Variants in AFG2A observed in about 807,000 individuals in gnomAD.
AFG2A encodes the protein AAA ATPase AFG2A.
the AFG2A span, among the ~76,000 whole-genome samples, chr4:123,012,921 G>T: frequency 6.6e-6 from 1 of 152,098 alleles, no homozygotes; most frequent in Non-Finnish European, 1.5e-5. Flanking sequence ...CCCAAGGCAG[G>T]CCCCCCTATC....
the AFG2A span, among the ~76,000 whole-genome samples, chr4:123,044,581 G>A: frequency 1.3e-5 from 2 of 152,054 alleles, no homozygotes; most frequent in African/African-American, 4.8e-5. Context: ...TACCCTTAGT[G>A]CCTCAAACTG....
chr4:123,191,609 G>A, the AFG2A span, among the ~76,000 whole-genome samples: 513 of 152,072 alleles, frequency 3.4e-3, 1 homozygote, highest in African/African-American at 0.012. Context: ...TTTCTCTTCT[G>A]TATTCTCATT....
At chr4:123,072,406 A>G in the AFG2A span, among the ~76,000 whole-genome samples, 1 of 152,200 alleles carries the variant, frequency 6.6e-6, no homozygotes. Flanking sequence ...AGTGAGGCAC[A>G]GGTAAACTTC....
chr4:123,289,312 C>T, the AFG2A span, among the ~76,000 whole-genome samples: 3 of 152,168 alleles, frequency 2.0e-5, no homozygotes, highest in African/African-American at 7.2e-5. Context: ...GAATGACCTC[C>T]AGTTCCATCC....
chr4:123,107,273 C>T, the AFG2A span, among the ~76,000 whole-genome samples: 17 of 152,302 alleles, frequency 1.1e-4, no homozygotes, highest in African/African-American at 3.8e-4. Context: ...TTGGTGGGTC[C>T]TGAGTTCTTG....
At chr4:122,971,531 G>A in the AFG2A span, among the ~76,000 whole-genome samples, 1 of 151,952 alleles carries the variant, frequency 6.6e-6, no homozygotes, top group African/African-American at 2.4e-5. Context: ...ATTTTATTTT[G>A]TTCAACTCTA....
At chr4:122,994,946 A>G in the AFG2A span, among the ~76,000 whole-genome samples, 1 of 152,070 alleles carries the variant, frequency 6.6e-6, no homozygotes, top group Non-Finnish European at 1.5e-5. Context: ...TTACTACTAT[A>G]TTTTCACCTG....
chr4:123,238,387 G>C, the AFG2A span, among the ~76,000 whole-genome samples: 3 of 152,204 alleles, frequency 2.0e-5, no homozygotes, highest in Admixed American at 2.0e-4. Context: ...GTGGGTCCCT[G>C]ACCCCCATGT....
At chr4:123,116,488 G>A in the AFG2A span, among the ~76,000 whole-genome samples, 3 of 152,302 alleles carry the variant, frequency 2.0e-5, no homozygotes, top group African/African-American at 7.2e-5. Flanking sequence ...GTAGAGGTCA[G>A]GGATGTTACC....
chr4:123,095,440 C>T, the AFG2A span, among the ~76,000 whole-genome samples: 2 of 152,020 alleles, frequency 1.3e-5, no homozygotes, highest in Non-Finnish European at 2.9e-5. Flanking sequence ...TACTTTTTCT[C>T]TGAAGAACTA....
chr4:123,107,180 T>C, the AFG2A span, among the ~76,000 whole-genome samples: 1 of 152,208 alleles, frequency 6.6e-6, no homozygotes, highest in South Asian at 2.1e-4. Context: ...ACTCTTCTCC[T>C]TCTCATCACC....
At chr4:123,067,227 A>C in the AFG2A span, among the ~76,000 whole-genome samples, 1 of 152,094 alleles carries the variant, frequency 6.6e-6, no homozygotes, top group African/African-American at 2.4e-5. Context: ...GTGAGATTTT[A>C]AGAAAATGAG....
chr4:123,293,266 G>A, the AFG2A span, among the ~76,000 whole-genome samples: 1 of 152,106 alleles, frequency 6.6e-6, no homozygotes, highest in African/African-American at 2.4e-5. Flanking sequence ...GTCCCTTCAC[G>A]AGCACTGGGG....
the AFG2A span, among the ~76,000 whole-genome samples, chr4:123,114,053 G>T: frequency 7.2e-5 from 11 of 151,884 alleles, no homozygotes; most frequent in African/African-American, 1.9e-4. Context: ...GCCCTGAAGA[G>T]GGTAGACTCC....
chr4:123,055,637 A>C, the AFG2A span, among the ~76,000 whole-genome samples: 1 of 152,174 alleles, frequency 6.6e-6, no homozygotes, highest in Non-Finnish European at 1.5e-5. Flanking sequence ...CGTGATCTGC[A>C]TGGAATAGAA....
At chr4:123,212,361 G>A in the AFG2A span, among the ~76,000 whole-genome samples, 2 of 151,896 alleles carry the variant, frequency 1.3e-5, no homozygotes, top group African/African-American at 4.8e-5. Flanking sequence ...TCATTTTCTT[G>A]TCTTAACTGT....
At chr4:123,115,787 C>T in the AFG2A span, among the ~76,000 whole-genome samples, 1 of 152,180 alleles carries the variant, frequency 6.6e-6, no homozygotes, top group Non-Finnish European at 1.5e-5. Context: ...TGGCCCGCTG[C>T]TGCCATCAAT....
At chr4:122,985,144 C>T in the AFG2A span, among the ~76,000 whole-genome samples, 3 of 141,666 alleles carry the variant, frequency 2.1e-5, no homozygotes, top group Non-Finnish European at 3.0e-5. Context: ...TTTTTTGAGA[C>T]GGAGTAGTTT....
chr4:122,944,643 G>A, the AFG2A span, among the ~76,000 whole-genome samples: 1 of 152,172 alleles, frequency 6.6e-6, no homozygotes, highest in African/African-American at 2.4e-5. Context: ...ACTTGTCAAA[G>A]TCATTCTCCG....
Sources: gnomAD v4.1 joint callset for allele counts (sites outside exome capture counted in the v4.1 genomes callset) on GRCh38, gnomAD v4.1.1 for gene constraint, MANE v1.5 for transcripts, NCBI Gene and HGNC (gene_info 2026-07-23, HGNC 2026-07-21) for gene names.